DNM2: variants seen among roughly 807,000 people sequenced by gnomAD.
DNM2 encodes dynamin-2.
DNM2 carries 15 observed loss-of-function variants against 99.0 expected under a neutral mutation model. The ratio of observed to expected loss-of-function variants is 0.15; its 90% CI spans 0.10 to 0.23. DNM2 has a LOEUF of 0.23. Among genes scored for constraint, DNM2 ranks in the 10% least tolerant of loss-of-function variants. DNM2 has a pLI of 1.00. For missense variants in DNM2, 742 were observed against 1,189.4 expected (o/e 0.62, Z 5.53); for synonymous variants, 525 against 481.2 (o/e 1.09, Z -1.19).
Position 10,825,163 on chromosome 19 carries a change from T to C in DNM2, c.2000T>C (p.Ile667Thr), listed in dbSNP as rs2146188135. The change falls in exon 18 of 21, where the codon ATC becomes ACC. Residue 667 changes from isoleucine (I) to threonine (T), a missense_variant. Physicochemically the swap from Ile to Thr is moderately conservative, Grantham distance 89. Around this residue, in one of 7 missense-constraint regions of DNM2, gnomAD observed 240 missense variants for 431.3 expected, o/e 0.56. Coordinates refer to ENST00000389253, the MANE Select transcript of DNM2 (RefSeq NM_001005361.3). ...CTGGTGGACTCATACGTGGCCATCA[T>C]CAACAAGTCCATCCGCGACCTCATG... The part of the protein sequence containing the change: ...RNLVDSYVAI[I>T]NKSIRDLMPK... The C allele has an allele frequency of 6.2e-7, 1 of 1,614,202 alleles. No individual in the cohort carries two copies. The highest frequency in any genetic ancestry group is 2.2e-5 in the East Asian group (1 of 44,876).
Position 10,831,843 on chromosome 19 carries a change from G to T in DNM2, c.*796G>T, listed in dbSNP as rs1327044696. The stretch of plus-strand genomic sequence containing the variant: ...CCACTCCTCGCTCAGTTTGACCACT[G>T]TAAGTGCCTGCACTCTGTATTCTAT... On this transcript the variant is annotated 3_prime_UTR_variant, in exon 21 of 21. Coordinates refer to ENST00000389253, the MANE Select transcript of DNM2 (RefSeq NM_001005361.3). This position sits in a 1 kb window ranked among gnomAD's most constrained non-coding sequence, Gnocchi z 4.3. 1.3e-5 allele frequency: 13 copies of T among 996,772 alleles called. No homozygotes were observed. The highest frequency in any genetic ancestry group is 1.2e-5 in the Non-Finnish European group (10 of 836,820). The allele number at this position is 996,772 out of a possible 1,614,324, so 61.7% of individuals were successfully genotyped here.
Position 10,811,395 on chromosome 19 carries a change from G to T in DNM2, c.1558-869G>T, listed in dbSNP as rs1487385206. ...GGGATTCCTGGAGGCCCCATCTCTG[G>T]CGCTCCTGCCGTGCCGTGCCCTGCC... On this transcript the variant is annotated intron_variant, in intron 14 of 20. Transcript: ENST00000389253. This position sits in a 1 kb window ranked among gnomAD's most constrained non-coding sequence, Gnocchi z 5.4. 3.6e-6 allele frequency: 1 copy of T among 278,422 alleles called. No homozygotes were observed. Among genetic ancestry groups the T allele is most frequent in the Non-Finnish European group, 7.2e-6 (1 of 139,340 alleles). The allele number at this position is 278,422 out of a possible 1,614,324, so 17.2% of individuals were successfully genotyped here.
In DNM2 at chr19:10,779,502, C is replaced by CTTTTTTTTTTTTTTTTTTTT. The variant is rs55819116; in HGVS notation, c.688+2292_688+2311dup. ...TCTTTCTTTCTTTCTTTCTTTCTTT[C>CTTTTTTTTTTTTTTTTTTTT]TTTTTTTTTTTTTTTTTTTTTTTTT... On this transcript the variant is annotated intron_variant, in intron 5 of 20. Transcript: ENST00000389253. Among the ~76,000 whole-genome samples the CTTTTTTTTTTTTTTTTTTTT allele has an allele frequency of 7.6e-3, 225 of 29,628 alleles. 9 individuals are homozygous for CTTTTTTTTTTTTTTTTTTTT. The highest frequency in any genetic ancestry group is 9.5e-3 in the Non-Finnish European group (164 of 17,232). 19.4% of individuals were successfully genotyped at this position (29,628 alleles called of 152,430 possible). A position where few individuals can be genotyped will look rare whatever the true frequency, so the allele number is the denominator to read the frequency against.
intron 6 of DNM2, 63 bp from the exon 7 acceptor site, chr19:10,786,501 G>T: frequency 1.2e-6 from 2 of 1,609,738 alleles, no homozygotes; most frequent in Non-Finnish European, 1.7e-6. Flanking sequence ...GGGGGAGTGT[G>T]TCTGCCACTC....
chr19:10,791,176 C>T lies in DNM2; in HGVS notation c.993-2544C>T, dbSNP rs34327985. Among the ~76,000 whole-genome samples the T allele has an allele frequency of 2.7e-3, 412 of 152,214 alleles. 1 individual carries two copies. The highest frequency in any genetic ancestry group is 4.5e-3 in the Non-Finnish European group (303 of 68,020). On this transcript the variant is annotated intron_variant, in intron 7 of 20. Coordinates refer to ENST00000389253, the MANE Select transcript of DNM2 (RefSeq NM_001005361.3). The stretch of plus-strand genomic sequence containing the variant: ...CAATCACGGCTCACTGAAGCCTGGA[C>T]CTCCTGGGCTCAAGCAATTCTTCTG...
intron 7 of DNM2, among the ~76,000 whole-genome samples, chr19:10,789,267 T>C (rs2071670616): frequency 6.6e-6 from 1 of 151,780 alleles, no homozygotes; most frequent in Non-Finnish European, 1.5e-5. Context: ...GAAGGAAGTG[T>C]TGTTGTGGAG....
intron 5 of DNM2, among the ~76,000 whole-genome samples, chr19:10,780,563 C>T (rs2043332): frequency 1.3e-5 from 2 of 151,998 alleles, no homozygotes; most frequent in African/African-American, 4.8e-5. Context: ...GTTTTGTGAC[C>T]TCAGGCTTCA....
rs2071903952 is a variant in DNM2 at position 10,795,611 on chromosome 19, G to A, written c.1196+172G>A. On this transcript the variant is annotated intron_variant, in intron 9 of 20. Coordinates refer to ENST00000389253, the MANE Select transcript of DNM2 (RefSeq NM_001005361.3). The surrounding 1 kb of genome is among the most constrained non-coding windows in gnomAD (Gnocchi z 4.2). ...TGAGGGTCTCCAAGGGCACATGAGG[G>A]TGGATGTGTCTTAGTCCTGCGTCCA... 1.4e-6 allele frequency: 1 copy of A among 714,286 alleles called. No homozygotes were observed. The highest frequency in any genetic ancestry group is 2.4e-6 in the Non-Finnish European group (1 of 409,168). 44.2% of individuals were successfully genotyped at this position (714,286 alleles called of 1,614,324 possible). A position where few individuals can be genotyped will look rare whatever the true frequency, so the allele number is the denominator to read the frequency against.
chr19:10,816,102 C>T lies in DNM2; in HGVS notation c.1671+3725C>T, dbSNP rs527676978. Among the ~76,000 whole-genome samples, 1 of 152,272 alleles carries T rather than the reference C, an allele frequency of 6.6e-6. No individual in the cohort carries two copies. The highest frequency in any genetic ancestry group is 2.1e-4 in the South Asian group (1 of 4,826). Reference sequence around the variant, plus strand: ...AGGCTCTGAGCGGTGACTTGCCCCACATCATGGAGCGGGGGAGGGTCCCCC... The same window carrying T: ...AGGCTCTGAGCGGTGACTTGCCCCATATCATGGAGCGGGGGAGGGTCCCCC... On this transcript the variant is annotated intron_variant, in intron 15 of 20. Coordinates refer to ENST00000389253, the MANE Select transcript of DNM2 (RefSeq NM_001005361.3). This position sits in a 1 kb window ranked among gnomAD's most constrained non-coding sequence, Gnocchi z 4.6.
intron 8 of DNM2, among the ~76,000 whole-genome samples, chr19:10,794,753 A>AC (rs1483573261): frequency 6.6e-6 from 1 of 151,802 alleles, no homozygotes; most frequent in African/African-American, 2.4e-5. Context: ...TCAAAAAAAA[A>AC]CAAAAAAAAC....
At chr19:10,776,416 T>C (rs1200843761) in intron 4 of DNM2, among the ~76,000 whole-genome samples, 1 of 152,156 alleles carries the variant, frequency 6.6e-6, no homozygotes, top group East Asian at 1.9e-4. Context: ...CACTGCAGAA[T>C]GTGAGCAGGA....
rs74718485 is a variant in DNM2 at position 10,797,318 on chromosome 19, G to C, written c.1197-62G>C. ...CTCTTCTCTCTGTCTCCTGTCCTGC[G>C]TGTGTGGCCTGCACTGTCCCTGGGT... On this transcript the variant is annotated intron_variant, in intron 9 of 20. Coordinates refer to ENST00000389253, the MANE Select transcript of DNM2 (RefSeq NM_001005361.3). The C allele has an allele frequency of 0.054, 86,274 of 1,601,668 alleles. 3,751 individuals are homozygous for C. The highest frequency in any genetic ancestry group is 0.2 in the African/African-American group (14,958 of 74,716).
chr19:10,741,257 G>A (rs1264599734), intron 1 of DNM2, among the ~76,000 whole-genome samples: 1 of 152,058 alleles, frequency 6.6e-6, no homozygotes, highest in Non-Finnish European at 1.5e-5. Flanking sequence ...TGGAGACACG[G>A]TCTTGCTCTG....
At chr19:10,779,274 G>T (rs892578732) in intron 5 of DNM2, among the ~76,000 whole-genome samples, 2 of 151,054 alleles carry the variant, frequency 1.3e-5, no homozygotes, top group African/African-American at 4.9e-5. Context: ...AGCAGTTTTA[G>T]GTTCATAGCC....
At chr19:10,751,385 T>C (rs144001669) in intron 1 of DNM2, among the ~76,000 whole-genome samples, 25 of 152,108 alleles carry the variant, frequency 1.6e-4, no homozygotes, top group African/African-American at 5.5e-4. Flanking sequence ...TTCAGTACTC[T>C]CAGAATGCGG....
chr19:10,799,657 C>T (rs995394598), intron 11 of DNM2, among the ~76,000 whole-genome samples: 1 of 151,638 alleles, frequency 6.6e-6, no homozygotes, highest in Non-Finnish European at 1.5e-5. Flanking sequence ...CCTCAGCCTC[C>T]GAAGTAGCCA....
chr19:10,786,886 A>G, intron 7 of DNM2, 180 bp downstream of exon 7: 1 of 1,331,348 alleles, frequency 7.5e-7, no homozygotes, highest in East Asian at 2.5e-5. Flanking sequence ...AGTGGAGGGG[A>G]CAGGTGTCCG....
chr19:10,784,817 T>A (rs12984117), intron 6 of DNM2, among the ~76,000 whole-genome samples: 49,048 of 120,312 alleles, frequency 0.41, 9,785 homozygotes, highest in East Asian at 0.59. Context: ...ATTTTTTTGA[T>A]GATTTTTTTT....
rs377159042 is a variant in DNM2 at position 10,782,971 on chromosome 19, G to A, written c.700G>A (p.Val234Met). 2.4e-5 allele frequency: 39 copies of A among 1,614,008 alleles called. No homozygotes were observed. Among genetic ancestry groups the A allele is most frequent in the South Asian group, 9.9e-5 (9 of 91,090 alleles). The change falls in exon 6 of 21, where the codon GTG becomes ATG. Residue 234 changes from valine to methionine, a missense_variant. Coordinates refer to ENST00000389253, the MANE Select transcript of DNM2 (RefSeq NM_001005361.3). ...GCCTCTCCCCACAGGCTACATTGGC[G>A]TGGTGAACCGCAGCCAGAAGGATAT... ...LLPLRRGYIGVVNRSQKDIEG... is the reference protein window; with the variant it reads ...LLPLRRGYIGMVNRSQKDIEG...
Sources: gnomAD v4.1 joint callset for allele counts (sites outside exome capture counted in the v4.1 genomes callset) on GRCh38, gnomAD v4.1.1 for gene constraint, gnomAD v4.1.1 regional missense constraint, Gnocchi (gnomAD v3.1) non-coding constraint, MANE v1.5 for transcripts, NCBI Gene and HGNC (gene_info 2026-07-23, HGNC 2026-07-21) for gene names.